MAGEC1: variants seen among roughly 807,000 people sequenced by gnomAD.
The protein encoded by MAGEC1 is melanoma-associated antigen C1.
In MAGEC1, 3 loss-of-function variants were observed where a neutral mutation model predicts 1.5. The observed-to-expected ratio is 1.97, with a 90% CI of 0.90 to 5.10. The LOEUF (loss-of-function observed/expected upper bound fraction) is 5.10. Ranked by LOEUF, MAGEC1 falls within the 30% of genes most tolerant of loss-of-function variation. MAGEC1 has a pLI of 0.02. For synonymous variants in MAGEC1, 357 were observed against 310.4 expected, an observed-to-expected ratio of 1.15 and a Z score of -1.58; for missense variants, 985 against 803.1, an observed-to-expected ratio of 1.23 and a Z score of -2.74.
chrX:141,904,428 G>T (rs1037824669), intron 1 of MAGEC1, among the ~76,000 whole-genome samples: 1 of 110,591 alleles, frequency 9.0e-6, no homozygotes, highest in Non-Finnish European at 1.9e-5. Flanking sequence ...GGACTGAGGG[G>T]TCACATGTGC....
In MAGEC1 at chrX:141,906,660, C is replaced by G; in HGVS notation, c.1256C>G (p.Thr419Ser). The G allele has an allele frequency of 5.9e-6, 7 of 1,195,867 alleles. No homozygotes were observed. The highest frequency in any genetic ancestry group is 6.8e-6 in the Non-Finnish European group (6 of 886,186). The change falls in exon 4 of 4, where the codon ACT becomes AGT. Residue 419 changes from threonine to serine, a missense_variant. By Grantham distance (58) the Thr-to-Ser change is moderately conservative. Coordinates refer to ENST00000285879, the MANE Select transcript of MAGEC1 (RefSeq NM_005462.5). ...QIPMTSSFSSTLLSILQSSPE... is the reference protein window; with the variant it reads ...QIPMTSSFSSSLLSILQSSPE... ...CCTATGACCTCCTCCTTCTCCTCTA[C>G]TTTATTGAGTATTTTACAGAGTTCT...
At chrX:141,904,587 G>A (rs192484197) in intron 1 of MAGEC1, 130 bp from the exon 2 acceptor site, 1 of 130,591 alleles carries the variant, frequency 7.7e-6, no homozygotes, top group Admixed American at 7.8e-5. Flanking sequence ...GCCTGGCCCT[G>A]TCTGAGAAAA....
At position 141,906,035 on chromosome X, in the gene MAGEC1, T is replaced by G. The variant is rs79905587; in HGVS notation, c.631T>G (p.Leu211Val). ...GAGCCGCTCCTTCTCCTCCACTTTA[T>G]TGAGTATTTTCCAGAGTTCCCCTGA... ...PVSRSFSSTLLSIFQSSPERT... is the reference protein window; with the variant it reads ...PVSRSFSSTLVSIFQSSPERT... Residue 211 changes from leucine (L) to valine (V), a missense_variant, in exon 4 of 4, where the codon TTG becomes GTG. Transcript: ENST00000285879. The G allele has an allele frequency of 9.0e-3, 10,379 of 1,155,845 alleles. 183 individuals carry two copies. The highest frequency in any genetic ancestry group is 1.0e-2 in the Non-Finnish European group (8,560 of 857,666).
chrX:141,907,160 G>A lies in MAGEC1; in HGVS notation c.1756G>A (p.Gly586Arg). The change falls in exon 4 of 4, where the codon GGG (glycine) becomes AGG (arginine). Residue 586 changes from glycine to arginine, a missense_variant. Physicochemically the swap from Gly to Arg is moderately radical, Grantham distance 125. Transcript: ENST00000285879. ...SPHYFPQSPQ[G>R]EDSLSPHYFP... ...TCACTACTTTCCTCAGAGCCCTCAG[G>A]GGGAGGACTCCCTGTCTCCTCACTA... The A allele has an allele frequency of 8.3e-7, 1 of 1,202,355 alleles. No homozygotes were observed. Among genetic ancestry groups the A allele is most frequent in the East Asian group, 3.0e-5 (1 of 33,391 alleles).
rs963710018 is a variant in MAGEC1 at position 141,906,904 on chromosome X, G to C, written c.1500G>C (p.Glu500Asp). The part of the protein sequence containing the change: ...TLLSLFQSSP[E>D]CTQSTFEGFP... Reference sequence around the variant, plus strand: ...TGAGTCTTTTCCAGAGTTCCCCTGAGTGTACTCAAAGTACTTTTGAGGGTT... The same window carrying C: ...TGAGTCTTTTCCAGAGTTCCCCTGACTGTACTCAAAGTACTTTTGAGGGTT... Residue 500 changes from glutamate (E) to aspartate (D), a missense_variant, in exon 4 of 4, where the codon GAG (glutamate) becomes GAC (aspartate). Physicochemically the swap from Glu to Asp is conservative, Grantham distance 45. Transcript: ENST00000285879. The C allele has an allele frequency of 8.3e-7, 1 of 1,209,070 alleles. No homozygotes were observed. Among genetic ancestry groups the C allele is most frequent in the Non-Finnish European group, 1.1e-6 (1 of 894,927 alleles).
In MAGEC1 at chrX:141,907,551, A is replaced by C. The variant is rs1160381784; in HGVS notation, c.2147A>C (p.Glu716Ala). Residue 716 changes from glutamate (E) to alanine (A), a missense_variant, in exon 4 of 4, where the codon GAG becomes GCG. By Grantham distance (107) the Glu-to-Ala change is moderately radical. Coordinates refer to ENST00000285879, the MANE Select transcript of MAGEC1 (RefSeq NM_005462.5). ...SSLHFPQSPP[E>A]WEDSLSPLHF... Reference sequence around the variant, plus strand: ...CTCCATTTTCCTCAGAGTCCTCCTGAGTGGGAGGACTCCCTCTCTCCTCTC... The same window carrying C: ...CTCCATTTTCCTCAGAGTCCTCCTGCGTGGGAGGACTCCCTCTCTCCTCTC... 8.4e-7 allele frequency: 1 copy of C among 1,191,561 alleles called. No homozygotes were observed. The highest frequency in any genetic ancestry group is 1.8e-5 in the African/African-American group (1 of 55,252).
rs751793039 is a variant in MAGEC1 at position 141,908,947 on chromosome X, A to G, written c.*114A>G. On this transcript the variant is annotated 3_prime_UTR_variant, in exon 4 of 4. Coordinates refer to ENST00000285879, the MANE Select transcript of MAGEC1 (RefSeq NM_005462.5). ...AGTGCTATTTGCATTTCTGTTCCAT[A>G]TGGGTAGTTATGGGGTTTACCTGTT... 7.7e-4 allele frequency: 439 copies of G among 567,539 alleles called. 1 individual carries two copies. The highest frequency in any genetic ancestry group is 1.1e-3 in the Non-Finnish European group (418 of 378,260). The allele number at this position is 567,539 out of a possible 1,213,427, so 46.8% of individuals were successfully genotyped here.
In MAGEC1 at chrX:141,908,824, T is replaced by C. The variant is rs756605748; in HGVS notation, c.3420T>C (p.Ser1140=). ...ASSSVMSPSF[S]SE is the part of the protein sequence containing the mutation. ...CCAGTGTCATGTCCCCCAGCTTCTC[T>C]TCTGAGTGAAGTCTAGGGCAGATTC... The change falls in exon 4 of 4, where the codon TCT becomes TCC. Residue 1140 remains serine, a synonymous_variant. Transcript: ENST00000285879. 8.4e-7 allele frequency: 1 copy of C among 1,192,745 alleles called. No homozygotes were observed. The highest frequency in any genetic ancestry group is 1.1e-6 in the Non-Finnish European group (1 of 885,446).
rs766568168 is a variant in MAGEC1 at position 141,906,301 on chromosome X, C to G, written c.897C>G (p.Pro299=). The G allele has an allele frequency of 1.2e-5, 12 of 967,629 alleles. No individual in the cohort carries two copies. The allele number at this position is 967,629 out of a possible 1,213,427, so 79.7% of individuals were successfully genotyped here. A position where few individuals can be genotyped will look rare whatever the true frequency, so the allele number is the denominator to read the frequency against. ...CTCAGAGTACTTTTGAGGGTTTTCC[C>G]CAGTCTCCTCTCCAGATTCCTGTGA... ...ERTQSTFEGF[P]QSPLQIPVSS... The change falls in exon 4 of 4, where the codon CCC becomes CCG. Residue 299 remains proline (P), a synonymous_variant. Coordinates refer to ENST00000285879, the MANE Select transcript of MAGEC1 (RefSeq NM_005462.5).
rs965345687 is a variant in MAGEC1, at chrX:141,907,177, T to A, written c.1773T>A (p.Ser591=). Residue 591 remains serine (S), a synonymous_variant, in exon 4 of 4, where the codon TCT becomes TCA. Coordinates refer to ENST00000285879, the MANE Select transcript of MAGEC1 (RefSeq NM_005462.5). ...GCCCTCAGGGGGAGGACTCCCTGTCTCCTCACTACTTTCCTCAGAGCCCTC... is the reference window on the plus strand; with the variant it reads ...GCCCTCAGGGGGAGGACTCCCTGTCACCTCACTACTTTCCTCAGAGCCCTC... ...PQSPQGEDSL[S]PHYFPQSPPQ... is the part of the protein sequence containing the mutation. The A allele has an allele frequency of 1.7e-6, 2 of 1,209,441 alleles. No homozygotes were observed. The highest frequency in any genetic ancestry group is 2.2e-6 in the Non-Finnish European group (2 of 894,682).
chrX:141,906,979 T>C lies in MAGEC1; in HGVS notation c.1575T>C (p.Asn525=). The change falls in exon 4 of 4, where the codon AAT becomes AAC. Residue 525 remains asparagine (N), a synonymous_variant. Transcript: ENST00000285879. ...QIPQSPPEGE[N]THSPLQIVPS... is the part of the protein sequence containing the mutation. ...CTCAGAGTCCTCCTGAAGGGGAGAA[T>C]ACCCATTCTCCTCTCCAGATTGTTC... The C allele has an allele frequency of 8.3e-7, 1 of 1,210,204 alleles. No homozygotes were observed. Among genetic ancestry groups the C allele is most frequent in the Non-Finnish European group, 1.1e-6 (1 of 894,816 alleles).
At position 141,905,548 on chromosome X, in the gene MAGEC1, G is replaced by C; in HGVS notation, c.144G>C (p.Leu48=). 1.7e-6 allele frequency: 2 copies of C among 1,210,345 alleles called. No homozygotes were observed. Among genetic ancestry groups the C allele is most frequent in the Non-Finnish European group, 1.1e-6 (1 of 895,110 alleles). The change falls in exon 4 of 4, where the codon CTG becomes CTC. Residue 48 remains leucine (L), a synonymous_variant. Coordinates refer to ENST00000285879, the MANE Select transcript of MAGEC1 (RefSeq NM_005462.5). The part of the protein sequence containing the change: ...PQSSPESDDT[L]YPLQSPQSRS... ...GTTCTCCTGAGAGCGACGACACCCT[G>C]TATCCTCTCCAGAGTCCTCAGAGTC...
In MAGEC1 at chrX:141,908,362, G is replaced by T. The variant is rs188004514; in HGVS notation, c.2958G>T (p.Gly986=). The change falls in exon 4 of 4, where the codon GGG becomes GGT. Residue 986 remains glycine, a synonymous_variant. Transcript: ENST00000285879. The part of the protein sequence containing the change: ...FVNTLDLTSE[G]CLSDEQGMSQ... Reference sequence around the variant, plus strand: ...ACACATTAGACCTCACCTCTGAGGGGTGTCTGAGTGATGAGCAGGGCATGT... The same window carrying T: ...ACACATTAGACCTCACCTCTGAGGGTTGTCTGAGTGATGAGCAGGGCATGT... 139 of 1,209,339 alleles carry T rather than the reference G, an allele frequency of 1.1e-4. No homozygotes were observed. Among genetic ancestry groups the T allele is most frequent in the Non-Finnish European group, 1.4e-4 (127 of 895,041 alleles).
At position 141,906,633 on chromosome X, in the gene MAGEC1, T is replaced by C. The variant is rs138268726; in HGVS notation, c.1229T>C (p.Ile410Thr). Reference sequence around the variant, plus strand: ...GGTTTTCCCCAGTCTCCTCTCCAGATTCCTATGACCTCCTCCTTCTCCTCT... The same window carrying C: ...GGTTTTCCCCAGTCTCCTCTCCAGACTCCTATGACCTCCTCCTTCTCCTCT... The part of the protein sequence containing the change: ...FEGFPQSPLQ[I>T]PMTSSFSSTL... The change falls in exon 4 of 4, where the codon ATT (isoleucine) becomes ACT (threonine). Residue 410 changes from isoleucine (I) to threonine (T), a missense_variant. By Grantham distance (89) the Ile-to-Thr change is moderately conservative. Coordinates refer to ENST00000285879, the MANE Select transcript of MAGEC1 (RefSeq NM_005462.5). 0.084 allele frequency: 99,796 copies of C among 1,184,304 alleles called. 2,849 individuals carry two copies. Among genetic ancestry groups the C allele is most frequent in the South Asian group, 0.13 (7,145 of 55,296 alleles).
Position 141,905,903 on chromosome X carries a change from G to A in MAGEC1, c.499G>A (p.Val167Met), listed in dbSNP as rs1312374691. The A allele has an allele frequency of 2.1e-5, 25 of 1,196,351 alleles. No individual in the cohort carries two copies. The highest frequency in any genetic ancestry group is 2.8e-5 in the Non-Finnish European group (25 of 887,861). Residue 167 changes from valine to methionine, a missense_variant, in exon 4 of 4, where the codon GTG becomes ATG. Coordinates refer to ENST00000285879, the MANE Select transcript of MAGEC1 (RefSeq NM_005462.5). ...GFPQSVLQIP[V>M]SAASSSTLVS... ...TCCCCAGTCTGTTCTCCAGATTCCT[G>A]TGAGCGCCGCCTCCTCCTCCACTTT...
Position 141,905,586 on chromosome X carries a change from A to G in MAGEC1, c.182A>G (p.Glu61Gly), listed in dbSNP as rs1361189467. ...LQSPQSRSEGEDSSDPLQRPP... is the reference protein window; with the variant it reads ...LQSPQSRSEGGDSSDPLQRPP... ...AGTCCTCAGAGTCGTTCTGAGGGGG[A>G]GGACTCCTCGGATCCTCTCCAGAGA... Residue 61 changes from glutamate to glycine, a missense_variant, in exon 4 of 4, where the codon GAG becomes GGG. By Grantham distance (98) the Glu-to-Gly change is moderately conservative. Coordinates refer to ENST00000285879, the MANE Select transcript of MAGEC1 (RefSeq NM_005462.5). The G allele has an allele frequency of 8.3e-7, 1 of 1,207,712 alleles. No individual in the cohort carries two copies. The highest frequency in any genetic ancestry group is 1.8e-5 in the South Asian group (1 of 56,779).
rs372369016 is a variant in MAGEC1, at chrX:141,907,496, C to T, written c.2092C>T (p.Pro698Ser). Residue 698 changes from proline (P) to serine (S), a missense_variant, in exon 4 of 4, where the codon CCT (proline) becomes TCT (serine). By Grantham distance (74) the Pro-to-Ser change is moderately conservative. Coordinates refer to ENST00000285879, the MANE Select transcript of MAGEC1 (RefSeq NM_005462.5). ...SLSPLQIPQS[P>S]LEGEDSLSSL... ...GTCTCCTCTCCAAATTCCTCAGAGT[C>T]CTCTTGAGGGAGAGGACTCCCTGTC... 1.7e-6 allele frequency: 2 copies of T among 1,200,331 alleles called. No individual in the cohort carries two copies. The highest frequency in any genetic ancestry group is 2.2e-6 in the Non-Finnish European group (2 of 890,768).
Position 141,907,406 on chromosome X carries a change from G to C in MAGEC1, c.2002G>C (p.Glu668Gln), listed in dbSNP as rs1228342059. The C allele has an allele frequency of 1.1e-5, 13 of 1,193,789 alleles. No individual in the cohort carries two copies. The highest frequency in any genetic ancestry group is 1.4e-5 in the Non-Finnish European group (12 of 888,746). ...TCTCCATAGTCCTCAGAGCCCTCCT[G>C]AGGGGATGCACTCCCAATCTCCTCT... ...SPLHSPQSPP[E>Q]GMHSQSPLQS... Residue 668 changes from glutamate (E) to glutamine (Q), a missense_variant, in exon 4 of 4, where the codon GAG (glutamate) becomes CAG (glutamine). Physicochemically the swap from Glu to Gln is conservative, Grantham distance 29. Coordinates refer to ENST00000285879, the MANE Select transcript of MAGEC1 (RefSeq NM_005462.5).
Position 141,908,624 on chromosome X carries a change from A to G in MAGEC1, c.3220A>G (p.Arg1074Gly). 2 of 1,211,294 alleles carry G rather than the reference A, an allele frequency of 1.7e-6. No individual in the cohort carries two copies. Among genetic ancestry groups the G allele is most frequent in the Non-Finnish European group, 2.2e-6 (2 of 895,105 alleles). The change falls in exon 4 of 4, where the codon AGA becomes GGA. Residue 1074 changes from arginine to glycine, a missense_variant. Arg to Gly is a moderately radical substitution (Grantham distance 125, BLOSUM62 -2). Coordinates refer to ENST00000285879, the MANE Select transcript of MAGEC1 (RefSeq NM_005462.5). ...TCGTTACGAATTCCTGTGGGGTCCA[A>G]GAGCTCATTCAGAAGTCATTAAGAG... ...PPRYEFLWGPRAHSEVIKRKV... is the reference protein window; with the variant it reads ...PPRYEFLWGPGAHSEVIKRKV...
Sources: allele counts gnomAD v4.1 joint callset (sites outside exome capture counted in the v4.1 genomes callset), GRCh38; gene constraint gnomAD v4.1.1; transcripts MANE v1.5; gene names NCBI Gene and HGNC (gene_info 2026-07-23, HGNC 2026-07-21).